IGF1R: variants seen among roughly 807,000 people sequenced by gnomAD.
IGF1R encodes insulin-like growth factor 1 receptor.
In IGF1R, 44 loss-of-function variants were observed where a neutral mutation model predicts 144.6. That is an observed-to-expected ratio of 0.30 (90% confidence interval 0.24 to 0.39). The LOEUF (loss-of-function observed/expected upper bound fraction) is 0.39. IGF1R is among the 10% of genes least tolerant of loss of function. The pLI is 1.00. For synonymous variants in IGF1R, 795 were observed against 722.8 expected, an observed-to-expected ratio of 1.10 and a Z score of -1.60; for missense variants, 1,355 against 1,833.7, an observed-to-expected ratio of 0.74 and a Z score of 4.77.
chr15:98,651,371 A>G (rs986262562), intron 1 of IGF1R, among the ~76,000 whole-genome samples: 3 of 152,178 alleles, frequency 2.0e-5, no homozygotes, highest in Non-Finnish European at 4.4e-5. Flanking sequence ...TTTGTTTTCT[A>G]AACTTTCAGC....
At chr15:98,709,917 A>G (rs1034589103) in intron 2 of IGF1R, among the ~76,000 whole-genome samples, 4 of 152,122 alleles carry the variant, frequency 2.6e-5, no homozygotes, top group Non-Finnish European at 5.9e-5. Flanking sequence ...GCTGTTTCTG[A>G]TGAGCTACTG....
chr15:98,780,087 G>A (rs1000196433), intron 2 of IGF1R, among the ~76,000 whole-genome samples: 1 of 147,950 alleles, frequency 6.8e-6, no homozygotes, highest in African/African-American at 2.6e-5. Flanking sequence ...GAGCCAGGTG[G>A]CTATTTTTTT....
intron 1 of IGF1R, among the ~76,000 whole-genome samples, chr15:98,696,849 C>G (rs2053607448): frequency 6.6e-6 from 1 of 152,122 alleles, no homozygotes; most frequent in Non-Finnish European, 1.5e-5. Flanking sequence ...TGCTGTCTGG[C>G]TGGGCTGGTG....
chr15:98,921,471 A>T (rs939905725), intron 10 of IGF1R, among the ~76,000 whole-genome samples: 2 of 152,132 alleles, frequency 1.3e-5, no homozygotes, highest in African/African-American at 4.8e-5. Context: ...CAGGACCTTG[A>T]TGAGGCCACA....
At chr15:98,950,340 G>A (rs1187351410) in intron 20 of IGF1R, among the ~76,000 whole-genome samples, 1 of 152,246 alleles carries the variant, frequency 6.6e-6, no homozygotes, top group Non-Finnish European at 1.5e-5. Flanking sequence ...GTCTCCTACA[G>A]TGTCTGTGGG....
chr15:98,850,105 C>T (rs959773005), intron 2 of IGF1R, among the ~76,000 whole-genome samples: 1 of 152,142 alleles, frequency 6.6e-6, no homozygotes, highest in African/African-American at 2.4e-5. Context: ...TTTCAAATGG[C>T]AAAAGATGAA....
At chr15:98,804,596 A>G (rs561128560) in intron 2 of IGF1R, among the ~76,000 whole-genome samples, 3 of 152,300 alleles carry the variant, frequency 2.0e-5, no homozygotes, top group East Asian at 3.9e-4. Context: ...CAGCACCTGC[A>G]TTTGATTGTG....
chr15:98,806,304 C>T (rs1347708132), intron 2 of IGF1R, among the ~76,000 whole-genome samples: 3 of 152,092 alleles, frequency 2.0e-5, no homozygotes, highest in Non-Finnish European at 4.4e-5. Context: ...GGGACTCCAG[C>T]GGCAATGCCT....
At chr15:98,765,106 T>C (rs2055402772) in intron 2 of IGF1R, among the ~76,000 whole-genome samples, 1 of 152,150 alleles carries the variant, frequency 6.6e-6, no homozygotes, top group African/African-American at 2.4e-5. Flanking sequence ...TAGCATAATA[T>C]TTTTAAGGTT....
At chr15:98,942,110 C>G (rs940429053) in intron 18 of IGF1R, among the ~76,000 whole-genome samples, 5 of 152,044 alleles carry the variant, frequency 3.3e-5, no homozygotes, top group Non-Finnish European at 1.5e-5. Context: ...TTACTGGGTA[C>G]TTTTGTCATC....
intron 1 of IGF1R, among the ~76,000 whole-genome samples, chr15:98,662,569 ATT>A (rs113001138): frequency 5.7e-4 from 84 of 146,922 alleles, no homozygotes; most frequent in African/African-American, 2.0e-3. Context: ...AAAGAATATG[ATT>A]TTTTTTTTTT....
At chr15:98,693,095 G>A (rs2053516117) in intron 1 of IGF1R, among the ~76,000 whole-genome samples, 2 of 152,152 alleles carry the variant, frequency 1.3e-5, no homozygotes, top group Admixed American at 6.5e-5. Flanking sequence ...GCTGTGTGGG[G>A]AGAGCTTGCA....
chr15:98,727,597 C>T (rs2054391640), intron 2 of IGF1R, among the ~76,000 whole-genome samples: 1 of 152,140 alleles, frequency 6.6e-6, no homozygotes, highest in South Asian at 2.1e-4. Flanking sequence ...GATGGGCTGT[C>T]ACCTGAGCTC....
At chr15:98,830,337 T>G (rs1025209687) in intron 2 of IGF1R, among the ~76,000 whole-genome samples, 3 of 152,226 alleles carry the variant, frequency 2.0e-5, no homozygotes, top group Admixed American at 2.0e-4. Context: ...TCCTTTGCCA[T>G]GTGTTTTCAT....
intron 2 of IGF1R, among the ~76,000 whole-genome samples, chr15:98,708,521 G>A (rs991139098): frequency 6.6e-6 from 1 of 152,206 alleles, no homozygotes; most frequent in African/African-American, 2.4e-5. Context: ...TCCTTTGTGC[G>A]AAGTGATATT....
chr15:98,712,798 C>G (rs540309959), intron 2 of IGF1R, among the ~76,000 whole-genome samples: 1 of 151,154 alleles, frequency 6.6e-6, no homozygotes, highest in East Asian at 2.0e-4. Context: ...TTAGTAGAGA[C>G]GGGGTTTCAC....
At chr15:98,724,153 C>G (rs1425323182) in intron 2 of IGF1R, among the ~76,000 whole-genome samples, 1 of 152,236 alleles carries the variant, frequency 6.6e-6, no homozygotes, top group Non-Finnish European at 1.5e-5. Flanking sequence ...CTAAAGCAAA[C>G]TACACCAGAT....
chr15:98,859,128 C>T (rs548251490), intron 2 of IGF1R, among the ~76,000 whole-genome samples: 1 of 151,910 alleles, frequency 6.6e-6, no homozygotes, highest in Non-Finnish European at 1.5e-5. Flanking sequence ...GAAACACATC[C>T]AGTTTGAGCT....
intron 2 of IGF1R, among the ~76,000 whole-genome samples, chr15:98,781,073 A>G (rs1162123064): frequency 1.3e-5 from 2 of 152,208 alleles, no homozygotes; most frequent in African/African-American, 4.8e-5. Context: ...AGTGAGCCAC[A>G]TTTGTGCCGC....
Sources: allele counts gnomAD v4.1 joint callset (sites outside exome capture counted in the v4.1 genomes callset), GRCh38; gene constraint gnomAD v4.1.1; transcripts MANE v1.5; gene names NCBI Gene and HGNC (gene_info 2026-07-23, HGNC 2026-07-21).